Variants in RIMS2 observed in about 807,000 individuals in gnomAD.
RIMS2 encodes the protein regulating synaptic membrane exocytosis protein 2.
RIMS2 carries 59 observed loss-of-function variants against 174.4 expected under a neutral mutation model. The ratio of observed to expected loss-of-function variants is 0.34; its 90% CI spans 0.27 to 0.42. RIMS2 has a LOEUF of 0.42. RIMS2 is among the 10% of genes least tolerant of loss of function. The pLI is 1.00. For synonymous variants in RIMS2, 606 were observed against 572.5 expected (o/e 1.06, Z -0.84); for missense variants, 1,620 against 1,666.3 (o/e 0.97, Z 0.48).
intron 3 of RIMS2, among the ~76,000 whole-genome samples, chr8:103,865,245 G>A (rs2099078866): frequency 6.9e-6 from 1 of 144,144 alleles, no homozygotes. Context: ...AGAAATTTGA[G>A]TTTCTCTGTG....
chr8:103,878,698 C>CA (rs772679382), intron 3 of RIMS2, among the ~76,000 whole-genome samples: 3 of 141,380 alleles, frequency 2.1e-5, no homozygotes, highest in Non-Finnish European at 4.7e-5. Context: ...TGGTCTTGAG[C>CA]TTTTTTTTTT....
rs1319214029 is a variant in RIMS2 at position 104,155,352 on chromosome 8, C to T, written c.3335-89564C>T. Among the ~76,000 whole-genome samples the T allele has an allele frequency of 7.3e-5, 11 of 150,890 alleles. No individual in the cohort carries two copies. In the South Asian group the frequency reaches 1.7e-3, roughly 23 times the overall value. ...CGATCTCCTGACCTCGTGATCTGCC[C>T]GCCTCGGCCTCCCAAAGTGCTGGGA... On this transcript the variant is annotated intron_variant, in intron 19 of 23. Coordinates refer to ENST00000504942, the Ensembl canonical transcript of RIMS2.
intron 12 of RIMS2, among the ~76,000 whole-genome samples, chr8:103,933,852 A>T (rs1565394496): frequency 6.6e-6 from 1 of 152,118 alleles, no homozygotes; most frequent in African/African-American, 2.4e-5. Flanking sequence ...TGAATTATTA[A>T]TTTTTTTGAC....
At chr8:103,510,699 C>T (rs537255847) in intron 1 of RIMS2, among the ~76,000 whole-genome samples, 23 of 152,266 alleles carry the variant, frequency 1.5e-4, no homozygotes, top group African/African-American at 5.5e-4. Context: ...TCTGTCATTG[C>T]ATCTCTCTCT....
At chr8:104,157,670 C>T (rs1016969085) in intron 19 of RIMS2, among the ~76,000 whole-genome samples, 5 of 152,156 alleles carry the variant, frequency 3.3e-5, no homozygotes, top group African/African-American at 1.2e-4. Context: ...GAATAATATT[C>T]CATTGTGTGT....
At chr8:104,032,802 A>G (rs1205076539) in intron 19 of RIMS2, among the ~76,000 whole-genome samples, 2 of 152,046 alleles carry the variant, frequency 1.3e-5, no homozygotes, top group Non-Finnish European at 2.9e-5. Context: ...AAAGATGTCA[A>G]TGTAAAAATT....
chr8:103,766,917 T>G (rs1000467805), intron 3 of RIMS2, among the ~76,000 whole-genome samples: 12 of 152,142 alleles, frequency 7.9e-5, no homozygotes, highest in Non-Finnish European at 1.3e-4. Flanking sequence ...GTTAAGGTAA[T>G]AGGGAAGGTT....
chr8:104,100,490 C>A (rs536739329), intron 19 of RIMS2, among the ~76,000 whole-genome samples: 1 of 152,072 alleles, frequency 6.6e-6, no homozygotes, highest in East Asian at 1.9e-4. Flanking sequence ...ATGGCTAGAA[C>A]CTCCTCTACT....
chr8:103,529,677 C>T (rs1356932402), intron 1 of RIMS2, among the ~76,000 whole-genome samples: 2 of 152,184 alleles, frequency 1.3e-5, no homozygotes, highest in Non-Finnish European at 2.9e-5. Flanking sequence ...GAACCCGGTA[C>T]CTCAGTTGGA....
chr8:103,850,838 A>G (rs1400865275), intron 3 of RIMS2, among the ~76,000 whole-genome samples: 1 of 151,986 alleles, frequency 6.6e-6, no homozygotes, highest in African/African-American at 2.4e-5. Flanking sequence ...TTAGAATCCT[A>G]TATGTTTCTT....
intron 10 of RIMS2, among the ~76,000 whole-genome samples, chr8:103,923,399 G>T (rs143530045): frequency 1.4e-4 from 22 of 151,938 alleles, no homozygotes; most frequent in African/African-American, 5.1e-4. Context: ...GAATCCCAAG[G>T]TCTTATTACA....
intron 1 of RIMS2, among the ~76,000 whole-genome samples, chr8:103,545,159 C>G (rs959259062): frequency 6.6e-6 from 1 of 152,002 alleles, no homozygotes; most frequent in Admixed American, 6.5e-5. Context: ...TAAAACAATA[C>G]AAGAGATAAA....
chr8:103,916,688 C>A (rs945633877), intron 8 of RIMS2, 151 bp downstream of exon 11: 4 of 561,596 alleles, frequency 7.1e-6, no homozygotes, highest in Admixed American at 3.6e-5. Context: ...AGCACCACAC[C>A]AAAAATAATG....
intron 10 of RIMS2, among the ~76,000 whole-genome samples, chr8:103,925,750 C>T (rs10097620): frequency 0.012 from 1,765 of 151,406 alleles, 34 homozygotes; most frequent in African/African-American, 0.039. Context: ...TAATGGACAG[C>T]GAGATGGAAA....
intron 16 of RIMS2, among the ~76,000 whole-genome samples, chr8:103,983,360 A>C (rs1178051615): frequency 2.6e-5 from 4 of 152,232 alleles, no homozygotes; most frequent in Admixed American, 1.3e-4. Flanking sequence ...CCCTATCAGA[A>C]TACCAATGAC....
intron 10 of RIMS2, among the ~76,000 whole-genome samples, chr8:103,924,855 T>C (rs553777862): frequency 6.6e-6 from 1 of 151,764 alleles, no homozygotes; most frequent in Admixed American, 6.6e-5. Context: ...ATGCTTGAAT[T>C]GTCCTGCTGC....
In RIMS2 at chr8:104,249,352, T is replaced by C. The variant is rs150031058; in HGVS notation, c.3590-135T>C. 127 of 546,528 alleles carry C rather than the reference T, an allele frequency of 2.3e-4. 1 individual carries two copies. The East Asian group carries it at 3.8e-3, about 16-fold the overall frequency. The allele number at this position is 546,528 out of a possible 1,614,324, so 33.9% of individuals were successfully genotyped here. A position where few individuals can be genotyped will look rare whatever the true frequency, so the allele number is the denominator to read the frequency against. On this transcript the variant is annotated intron_variant, in intron 21 of 23. Transcript: ENST00000504942. ...GCTTTTTAAAGGAAGATATTATTGA[T>C]AGAATTTTAAGTATATTTGAATTTA... is the stretch of plus-strand genomic sequence containing the variant.
chr8:103,745,332 C>T (rs1402293189), intron 2 of RIMS2, among the ~76,000 whole-genome samples: 6 of 152,064 alleles, frequency 3.9e-5, no homozygotes, highest in Admixed American at 6.6e-5. Context: ...AATTACATTC[C>T]ATTGTATGGT....
intron 3 of RIMS2, chr8:103,768,162 T>C: frequency 2.9e-6 from 1 of 346,290 alleles, no homozygotes; most frequent in Non-Finnish European, 5.5e-6. Context: ...TCAAGGTATA[T>C]GAAAAAAATA....
Sources: allele counts gnomAD v4.1 joint callset (sites outside exome capture counted in the v4.1 genomes callset), GRCh38; gene constraint gnomAD v4.1.1; transcripts MANE v1.5; gene names NCBI Gene and HGNC (gene_info 2026-07-23, HGNC 2026-07-21).